Variants in DNAH8 observed in about 807,000 individuals in gnomAD.
The protein encoded by DNAH8 is axonemal beta dynein heavy chain 8.
Under a neutral mutation model 562.1 loss-of-function variants are expected in DNAH8, and 382 were observed. The observed-to-expected ratio is 0.68, with a 90% confidence interval of 0.63 to 0.74. The LOEUF (loss-of-function observed/expected upper bound fraction) is 0.74, where lower values mean the gene tolerates loss of function less well. Ranked by LOEUF, DNAH8 falls within the 30% of genes least tolerant of loss-of-function variation. The pLI is 0.00. For synonymous variants in DNAH8, 1,881 were observed against 1,919.4 expected, an observed-to-expected ratio of 0.98 and a Z score of 0.52; for missense variants, 5,203 against 5,620.4, an observed-to-expected ratio of 0.93 and a Z score of 2.37.
In DNAH8 at chr6:38,945,520, C is replaced by T. The variant is rs1366198176; in HGVS notation, c.12061C>T (p.Leu4021Phe). Residue 4021 changes from leucine (L) to phenylalanine (F), a missense_variant, in exon 80 of 93, where the codon CTT becomes TTT. By Grantham distance (22) the Leu-to-Phe change is conservative. Transcript: ENST00000327475. ...ACPPKPYRWI[L>F]DMTWLNLVEL... ...TCCTCCCAAACCCTATCGCTGGATC[C>T]TTGACATGACTTGGCTGAATCTTGT... is the stretch of plus-strand genomic sequence containing the variant. 3 of 1,614,186 alleles carry T rather than the reference C, an allele frequency of 1.9e-6. No individual in the cohort carries two copies. The South Asian group carries it at 3.3e-5, about 18-fold the overall frequency.
At chr6:38,797,351 T>G (rs1770364870) in intron 21 of DNAH8, among the ~76,000 whole-genome samples, 1 of 152,206 alleles carries the variant, frequency 6.6e-6, no homozygotes, top group East Asian at 1.9e-4. Flanking sequence ...AACTCACTCA[T>G]TTCCTGCCTC....
In DNAH8 at chr6:38,909,405, A is replaced by T. The variant is rs1324616368; in HGVS notation, c.9514-113A>T. On this transcript the variant is annotated intron_variant, in intron 64 of 92. Coordinates refer to ENST00000327475, the MANE Select transcript of DNAH8 (RefSeq NM_001206927.2). ...TTATATATGACTGCAGCCCAAGAAG[A>T]TTCATTTTCAAATCTGTGATGTCAC... The T allele has an allele frequency of 4.5e-5, 40 of 890,030 alleles. No individual in the cohort carries two copies. The East Asian group carries it at 8.5e-4, about 19-fold the overall frequency. The allele number at this position is 890,030 out of a possible 1,614,324, so 55.1% of individuals were successfully genotyped here.
In DNAH8 at chr6:38,909,576, C is replaced by T. The variant is rs1300401377; in HGVS notation, c.9572C>T (p.Thr3191Ile). The change falls in exon 65 of 93, where the codon ACT (threonine) becomes ATT (isoleucine). Residue 3191 changes from threonine to isoleucine, a missense_variant. Physicochemically the swap from Thr to Ile is moderately conservative, Grantham distance 89 (BLOSUM62 -1). Coordinates refer to ENST00000327475, the MANE Select transcript of DNAH8 (RefSeq NM_001206927.2). ...TTTCCTGGCTTGATATCAGGTTGCA[C>T]TATGGACTGGTTCAGCCGCTGGCCA... ...LKFPGLISGC[T>I]MDWFSRWPRE... 7 of 1,614,156 alleles carry T rather than the reference C, an allele frequency of 4.3e-6. No individual in the cohort carries two copies. The South Asian group carries it at 5.5e-5, about 13-fold the overall frequency.
chr6:39,025,141 C>T (rs1023104308), intron 91 of DNAH8, among the ~76,000 whole-genome samples: 4 of 152,254 alleles, frequency 2.6e-5, no homozygotes, highest in African/African-American at 7.2e-5. Context: ...TCCACACTCT[C>T]TCAGCCATCC....
At chr6:38,870,306 TG>T in intron 48 of DNAH8, 94 bp from the exon 49 acceptor site, 1 of 1,071,294 alleles carries the variant, frequency 9.3e-7, no homozygotes, top group Non-Finnish European at 1.4e-6. Context: ...AATGGTTCTC[TG>T]GGGATGAAGT....
intron 82 of DNAH8, among the ~76,000 whole-genome samples, chr6:38,959,147 T>G (rs915811113): frequency 1.3e-5 from 2 of 152,190 alleles, no homozygotes; most frequent in African/African-American, 4.8e-5. Context: ...AAAGGTCATG[T>G]ATGACAAACC....
At position 38,863,977 on chromosome 6, in the gene DNAH8, A is replaced by G; in HGVS notation, c.6415A>G (p.Arg2139Gly). The G allele has an allele frequency of 1.9e-6, 3 of 1,612,142 alleles. No homozygotes were observed. Among genetic ancestry groups the G allele is most frequent in the Non-Finnish European group, 2.5e-6 (3 of 1,179,614 alleles). ...AQQIYIVLTA[R>G]KERKKQFIFS... The stretch of plus-strand genomic sequence containing the variant: ...ACAAATTTATATTGTTTTGACAGCA[A>G]GAAAAGAAAGAAAGAAACAGTTCAT... Residue 2139 changes from arginine to glycine, a missense_variant, in exon 45 of 93, where the codon AGA becomes GGA. By Grantham distance (125) the Arg-to-Gly change is moderately radical. This residue lies in a region of DNAH8 where 2,176 missense variants were observed against 2,365.1 expected (regional missense o/e 0.92). Transcript: ENST00000327475.
rs558361261 is a variant in DNAH8 at position 38,909,627 on chromosome 6, C to T, written c.9623C>T (p.Ser3208Phe). 2.5e-5 allele frequency: 41 copies of T among 1,614,152 alleles called. No individual in the cohort carries two copies. The highest frequency in any genetic ancestry group is 8.3e-5 in the Admixed American group (5 of 60,018). Reference sequence around the variant, plus strand: ...AGGGAGGCTCTGATTGCTGTGGCCTCCTACTTCCTTTCAGACTATAATATT... The same window carrying T: ...AGGGAGGCTCTGATTGCTGTGGCCTTCTACTTCCTTTCAGACTATAATATT... ...WPREALIAVASYFLSDYNIVC... is the reference protein window; with the variant it reads ...WPREALIAVAFYFLSDYNIVC... Residue 3208 changes from serine (S) to phenylalanine (F), a missense_variant, in exon 65 of 93, where the codon TCC becomes TTC. Ser to Phe is a radical substitution (Grantham distance 155). Coordinates refer to ENST00000327475, the MANE Select transcript of DNAH8 (RefSeq NM_001206927.2).
chr6:38,823,488 G>T, intron 27 of DNAH8, 74 bp from the exon 28 acceptor site: 1 of 1,183,082 alleles, frequency 8.5e-7, no homozygotes. Context: ...ATGAGCAAAT[G>T]CAATTTTCTA....
At chr6:38,743,421 T>C (rs944540211) in intron 8 of DNAH8, among the ~76,000 whole-genome samples, 1 of 152,184 alleles carries the variant, frequency 6.6e-6, no homozygotes, top group African/African-American at 2.4e-5. Context: ...ATTTTATCCA[T>C]TTAAAGTGAA....
At position 38,863,927 on chromosome 6, in the gene DNAH8, T is replaced by C. The variant is rs776821810; in HGVS notation, c.6365T>C (p.Leu2122Ser). 6.2e-7 allele frequency: 1 copy of C among 1,611,982 alleles called. No homozygotes were observed. The highest frequency in any genetic ancestry group is 1.7e-5 in the Admixed American group (1 of 59,572). ...TTTGATGAGTTTAACAGAATTGAAT[T>C]GCCTGTATTATCAGTGGCAGCACAA... ...GCFDEFNRIE[L>S]PVLSVAAQQI... The change falls in exon 45 of 93, where the codon TTG becomes TCG. Residue 2122 changes from leucine (L) to serine (S), a missense_variant. This residue lies in a region of DNAH8 where 2,176 missense variants were observed against 2,365.1 expected (regional missense o/e 0.92). Transcript: ENST00000327475.
chr6:38,717,405 C>A (rs546322613), intron 1 of DNAH8, among the ~76,000 whole-genome samples: 1 of 152,046 alleles, frequency 6.6e-6, no homozygotes, highest in South Asian at 2.1e-4. Context: ...CTCACTGCAG[C>A]CTTGACCTCC....
Position 38,723,215 on chromosome 6 carries a change from G to A in DNAH8, c.390+16G>A, listed in dbSNP as rs1562547401. The A allele has an allele frequency of 6.3e-7, 1 of 1,592,994 alleles. No individual in the cohort carries two copies. Among genetic ancestry groups the A allele is most frequent in the Non-Finnish European group, 8.5e-7 (1 of 1,171,006 alleles). ...AGAGAGACAGGTTTGCTTCTAATAC[G>A]ATTTTTCATGTGTGCCACTTTTCCT... On this transcript the variant is annotated intron_variant, in intron 2 of 92. Coordinates refer to ENST00000327475, the MANE Select transcript of DNAH8 (RefSeq NM_001206927.2).
chr6:38,924,322 C>T (rs892555144), intron 73 of DNAH8, among the ~76,000 whole-genome samples, 160 bp downstream of exon 73: 2 of 152,046 alleles, frequency 1.3e-5, no homozygotes, highest in African/African-American at 4.8e-5. Context: ...ACCAGCCTAA[C>T]CAACATGGTG....
intron 30 of DNAH8, among the ~76,000 whole-genome samples, chr6:38,829,993 T>C (rs1313844726): frequency 1.3e-5 from 2 of 152,230 alleles, no homozygotes; most frequent in Non-Finnish European, 2.9e-5. Context: ...CTGGTAGTGA[T>C]GTCCCCTTTT....
intron 88 of DNAH8, among the ~76,000 whole-genome samples, chr6:38,999,381 G>A (rs147749296): frequency 1.5e-4 from 22 of 151,130 alleles, no homozygotes; most frequent in African/African-American, 5.1e-4. Context: ...GAGCACCTGA[G>A]AATTTGGATA....
chr6:38,950,163 T>C (rs528248923), intron 81 of DNAH8, among the ~76,000 whole-genome samples: 88 of 129,296 alleles, frequency 6.8e-4, no homozygotes, highest in African/African-American at 2.4e-3. Flanking sequence ...ACCTTCCACA[T>C]TGAAAAAAAT....
intron 8 of DNAH8, among the ~76,000 whole-genome samples, chr6:38,747,363 T>C (rs942105007): frequency 6.7e-6 from 1 of 149,654 alleles, no homozygotes; most frequent in African/African-American, 2.4e-5. Flanking sequence ...GCACTGTTTG[T>C]CATTTTCTTT....
chr6:38,892,009 T>C (rs1779370955), intron 58 of DNAH8, among the ~76,000 whole-genome samples: 1 of 152,156 alleles, frequency 6.6e-6, no homozygotes, highest in Non-Finnish European at 1.5e-5. Flanking sequence ...ACCTAAATGA[T>C]CCTTTAGCAG....
Sources: allele counts gnomAD v4.1 joint callset (sites outside exome capture counted in the v4.1 genomes callset), GRCh38; gene constraint gnomAD v4.1.1; regional missense constraint gnomAD v4.1.1; transcripts MANE v1.5; gene names NCBI Gene and HGNC (gene_info 2026-07-23, HGNC 2026-07-21).